The following CAMKMT variants were observed in gnomAD, a reference collection of about 807,000 sequenced individuals.
CAMKMT encodes the protein calmodulin-lysine N-methyltransferase, also known as CaM KMT.
Under a neutral mutation model 48.0 loss-of-function variants are expected in CAMKMT, and 53 were observed. The ratio of observed to expected loss-of-function variants is 1.10; its 90% CI spans 0.89 to 1.39. The LOEUF is 1.39. Among genes scored for constraint, CAMKMT ranks in the 40% most tolerant of loss-of-function variants. The pLI is 0.00. For missense variants in CAMKMT, 428 were observed against 402.7 expected (o/e 1.06, Z -0.54); for synonymous variants, 165 against 152.3 (o/e 1.08, Z -0.61).
intron 3 of CAMKMT, among the ~76,000 whole-genome samples, chr2:44,407,236 C>A (rs889152470): frequency 5.3e-5 from 8 of 152,130 alleles, no homozygotes; most frequent in African/African-American, 9.7e-5. Context: ...GCTCCCTTCA[C>A]AGCTTTCAGC....
chr2:44,677,721 G>A lies in CAMKMT; in HGVS notation c.377-26562G>A, dbSNP rs1397928992. 5.7e-5 allele frequency among the ~76,000 whole-genome samples: 8 copies of A among 141,290 alleles called. No homozygotes were observed. In the East Asian group the frequency reaches 5.9e-4, roughly 10 times the overall value. The allele number at this position is 141,290 out of a possible 152,430, so 92.7% of individuals were successfully genotyped here. The stretch of plus-strand genomic sequence containing the variant: ...GAGACTCCGTCTAAAAAAAAAAAAA[G>A]CGTATTTACTTTTAGAAGGTTGTGT... On this transcript the variant is annotated intron_variant, in intron 3 of 10. Coordinates refer to ENST00000378494, the MANE Select transcript of CAMKMT (RefSeq NM_024766.5).
At chr2:44,531,570 A>G (rs1193998485) in intron 3 of CAMKMT, among the ~76,000 whole-genome samples, 2 of 152,132 alleles carry the variant, frequency 1.3e-5, no homozygotes, top group Non-Finnish European at 2.9e-5. Flanking sequence ...TAGTCATGGG[A>G]GCCAATACTT....
intron 3 of CAMKMT, among the ~76,000 whole-genome samples, chr2:44,574,975 C>T (rs751887108): frequency 6.6e-6 from 1 of 151,986 alleles, no homozygotes; most frequent in Non-Finnish European, 1.5e-5. Context: ...ACACTGGTCT[C>T]GAACTCCTGA....
intron 8 of CAMKMT, among the ~76,000 whole-genome samples, chr2:44,744,583 T>A (rs1331514968): frequency 6.6e-6 from 1 of 152,166 alleles, no homozygotes; most frequent in African/African-American, 2.4e-5. Context: ...CACTTTAGAT[T>A]TGAAAACACA....
At chr2:44,684,475 G>A (rs1676219200) in intron 3 of CAMKMT, among the ~76,000 whole-genome samples, 1 of 151,756 alleles carries the variant, frequency 6.6e-6, no homozygotes, top group Non-Finnish European at 1.5e-5. Context: ...TTTTATCATA[G>A]CAAAGAGAAG....
intron 3 of CAMKMT, chr2:44,456,688 T>A (rs1572913605): frequency 7.5e-7 from 1 of 1,340,122 alleles, no homozygotes; most frequent in Non-Finnish European, 1.0e-6. Context: ...GGCCAAGGCA[T>A]CCTACCTCTG....
intron 8 of CAMKMT, among the ~76,000 whole-genome samples, chr2:44,753,405 CAAAA>C (rs201960068): frequency 1.5e-5 from 1 of 65,730 alleles, no homozygotes; most frequent in Non-Finnish European, 3.3e-5. Context: ...GTCTCAGAAA[CAAAA>C]AAAAAAAAAG....
At position 44,683,907 on chromosome 2, in the gene CAMKMT, G is replaced by A. The variant is rs1443452584; in HGVS notation, c.377-20376G>A. ...AATTACTCTCCTGATAAGTAAACAC[G>A]ATTTCATATTCTTCCAAAAGGTTAT... On this transcript the variant is annotated intron_variant, in intron 3 of 10. Coordinates refer to ENST00000378494, the MANE Select transcript of CAMKMT (RefSeq NM_024766.5). Among the ~76,000 whole-genome samples, 6 of 150,750 alleles carry A rather than the reference G, an allele frequency of 4.0e-5. 1 individual carries two copies. Among genetic ancestry groups the A allele is most frequent in the South Asian group, 4.2e-4 (2 of 4,768 alleles).
chr2:44,483,230 C>T (rs1008477690), intron 3 of CAMKMT, among the ~76,000 whole-genome samples: 1 of 152,134 alleles, frequency 6.6e-6, no homozygotes, highest in Non-Finnish European at 1.5e-5. Flanking sequence ...ATTTAGCTGC[C>T]TTAACATTTA....
chr2:44,429,171 A>C (rs564394137), intron 3 of CAMKMT, among the ~76,000 whole-genome samples: 1 of 152,110 alleles, frequency 6.6e-6, no homozygotes, highest in African/African-American at 2.4e-5. Flanking sequence ...TTAGACTCAA[A>C]CTGACATCCC....
intron 3 of CAMKMT, among the ~76,000 whole-genome samples, chr2:44,682,680 A>G (rs1398832188): frequency 6.6e-6 from 1 of 152,182 alleles, no homozygotes; most frequent in Non-Finnish European, 1.5e-5. Context: ...GATAAATACC[A>G]AAGTGGAGAT....
At chr2:44,389,141 G>A (rs762794645) in intron 2 of CAMKMT, among the ~76,000 whole-genome samples, 8 of 152,116 alleles carry the variant, frequency 5.3e-5, no homozygotes, top group Non-Finnish European at 1.0e-4. Context: ...GGCAGGGCTA[G>A]GCCTGTCTGA....
At chr2:44,482,594 T>C (rs1449608220) in intron 3 of CAMKMT, among the ~76,000 whole-genome samples, 1 of 152,198 alleles carries the variant, frequency 6.6e-6, no homozygotes, top group Non-Finnish European at 1.5e-5. Context: ...TTAAACATAG[T>C]TCTATTTTGA....
At chr2:44,621,229 T>G (rs1056264286) in intron 3 of CAMKMT, among the ~76,000 whole-genome samples, 1 of 129,014 alleles carries the variant, frequency 7.8e-6, no homozygotes, top group Non-Finnish European at 1.5e-5. Context: ...ATCGCACCAC[T>G]GCACTCCAGC....
At chr2:44,369,091 C>T (rs1486600009) in intron 1 of CAMKMT, among the ~76,000 whole-genome samples, 3 of 152,070 alleles carry the variant, frequency 2.0e-5, no homozygotes, top group African/African-American at 4.8e-5. Flanking sequence ...ATCATGTTGG[C>T]CAGGCTGGTA....
chr2:44,624,493 A>G (rs1272833874), intron 3 of CAMKMT, among the ~76,000 whole-genome samples: 1 of 152,098 alleles, frequency 6.6e-6, no homozygotes, highest in Admixed American at 6.5e-5. Flanking sequence ...CCACCCCACA[A>G]CAGTCCCCAG....
intron 3 of CAMKMT, among the ~76,000 whole-genome samples, chr2:44,622,995 ATC>A (rs1444288986): frequency 6.6e-6 from 1 of 152,110 alleles, no homozygotes; most frequent in Non-Finnish European, 1.5e-5. Context: ...CCTCACCAAC[ATC>A]TGTTATTTCT....
chr2:44,675,627 T>A (rs1027862904), intron 3 of CAMKMT, among the ~76,000 whole-genome samples: 10 of 152,198 alleles, frequency 6.6e-5, no homozygotes, highest in Non-Finnish European at 1.3e-4. Context: ...GATATTCTTA[T>A]CTCCATTTTA....
At chr2:44,743,565 A>G in intron 7 of CAMKMT, 57 bp from the exon 8 acceptor site, 1 of 1,289,634 alleles carries the variant, frequency 7.8e-7, no homozygotes, top group South Asian at 1.3e-5. Context: ...TAATAGCTCA[A>G]AATCAAAATT....
Sources: allele counts gnomAD v4.1 joint callset (sites outside exome capture counted in the v4.1 genomes callset), GRCh38; gene constraint gnomAD v4.1.1; transcripts MANE v1.5; gene names NCBI Gene and HGNC (gene_info 2026-07-23, HGNC 2026-07-21).